The following KAZN variants were observed in gnomAD, a reference collection of about 807,000 sequenced individuals.
KAZN encodes the protein kazrin, periplakin interacting protein, also known as kazrin.
Under a neutral mutation model 87.4 loss-of-function variants are expected in KAZN, and 40 were observed. The observed-to-expected ratio is 0.46, with a 90% confidence interval of 0.36 to 0.60. The LOEUF (loss-of-function observed/expected upper bound fraction) is 0.60, where lower values mean the gene tolerates loss of function less well. KAZN is among the 20% of genes least tolerant of loss of function. The probability of loss-of-function intolerance (pLI) is 0.00; values close to 1 mark genes in which losing one functional copy is unlikely to be tolerated. For missense variants in KAZN, 898 were observed against 1,073.9 expected (o/e 0.84, Z 2.29); for synonymous variants, 466 against 458.3 (o/e 1.02, Z -0.22).
At chr1:14,339,550 G>A (rs930170033) in intron 2 of KAZN, among the ~76,000 whole-genome samples, 1 of 152,156 alleles carries the variant, frequency 6.6e-6, no homozygotes, top group African/African-American at 2.4e-5. Flanking sequence ...GAGAGCCGAC[G>A]TTTCTGTTCG....
intron 1 of KAZN, among the ~76,000 whole-genome samples, chr1:14,918,422 C>T (rs1445891715): frequency 2.6e-5 from 4 of 151,732 alleles, no homozygotes; most frequent in African/African-American, 9.7e-5. Flanking sequence ...ACCCCTGTAA[C>T]CCCAGCAATT....
intron 2 of KAZN, among the ~76,000 whole-genome samples, chr1:14,475,347 G>T (rs1351151068): frequency 6.6e-6 from 1 of 152,186 alleles, no homozygotes; most frequent in African/African-American, 2.4e-5. Context: ...TCTGAAAAGA[G>T]GACTTTAATA....
intron 2 of KAZN, among the ~76,000 whole-genome samples, chr1:14,487,695 T>C (rs1669420475): frequency 6.6e-6 from 1 of 152,190 alleles, no homozygotes; most frequent in Non-Finnish European, 1.5e-5. Flanking sequence ...TTTCGGAGGC[T>C]AGAGTGGTTG....
rs70987708 is a variant in KAZN, at chr1:13,963,759, CTGTGTGTGTGTG to C, written c.91+70037_91+70048del. 6.4e-3 allele frequency among the ~76,000 whole-genome samples: 905 copies of C among 141,994 alleles called. 12 individuals are homozygous for C. The highest frequency in any genetic ancestry group is 0.05 in the East Asian group (242 of 4,882). 93.2% of individuals were successfully genotyped at this position (141,994 alleles called of 152,430 possible). A position where few individuals can be genotyped will look rare whatever the true frequency, so the allele number is the denominator to read the frequency against. ...AAGGGTTAAATGTTTCTGCTGTGGT[CTGTGTGTGTGTG>C]TGTGTGTGTGTGTGTGTGTGTGTGT... is the stretch of plus-strand genomic sequence containing the variant. On this transcript the variant is annotated intron_variant, in intron 1 of 16. Coordinates refer to the KAZN transcript ENST00000636203.
At chr1:14,836,095 G>A (rs1647242624) in intron 1 of KAZN, among the ~76,000 whole-genome samples, 1 of 152,202 alleles carries the variant, frequency 6.6e-6, no homozygotes, top group South Asian at 2.1e-4. Context: ...TGACCTGTAA[G>A]TTTTACAGAA....
intron 2 of KAZN, among the ~76,000 whole-genome samples, chr1:14,971,171 G>A (rs933724303): frequency 6.6e-6 from 1 of 152,142 alleles, no homozygotes; most frequent in East Asian, 1.9e-4. Flanking sequence ...AGGCCAAGGC[G>A]GGCGAATCAT....
In KAZN at chr1:15,101,164, T is replaced by TCTCTCTC. The variant is rs1553190085; in HGVS notation, c.1548-379_1548-378insCTCTCTC. Among the ~76,000 whole-genome samples the TCTCTCTC allele has an allele frequency of 3.4e-4, 44 of 127,770 alleles. 1 individual carries two copies. The highest frequency in any genetic ancestry group is 1.5e-3 in the Admixed American group (18 of 11,816). 83.8% of individuals were successfully genotyped at this position (127,770 alleles called of 152,430 possible). A position where few individuals can be genotyped will look rare whatever the true frequency, so the allele number is the denominator to read the frequency against. On this transcript the variant is annotated intron_variant, in intron 10 of 14. Coordinates refer to ENST00000376030, the MANE Select transcript of KAZN (RefSeq NM_201628.3). ...CCTTTCTGTTCTTGAGTCTCGGTCT[T>TCTCTCTC]TCTCTCTCTCTCTCTCTCTCTCTGC...
At chr1:14,653,888 G>A (rs933648946) in intron 1 of KAZN, among the ~76,000 whole-genome samples, 3 of 152,172 alleles carry the variant, frequency 2.0e-5, no homozygotes, top group East Asian at 1.9e-4. Flanking sequence ...TCTCTGTTGC[G>A]TGGGGCTGCC....
chr1:14,111,301 G>A (rs1218767630), intron 1 of KAZN, among the ~76,000 whole-genome samples: 3 of 134,200 alleles, frequency 2.2e-5, no homozygotes, highest in African/African-American at 8.7e-5. Context: ...GATCCTGGCT[G>A]CTGAGCAAGG....
chr1:14,828,569 G>A (rs774532330), intron 1 of KAZN, among the ~76,000 whole-genome samples: 77 of 152,138 alleles, frequency 5.1e-4, no homozygotes, highest in Non-Finnish European at 6.3e-4. Context: ...GGGCAGCCAC[G>A]TTGGCAATTT....
At chr1:14,269,323 T>TAA (rs35936892) in intron 2 of KAZN, among the ~76,000 whole-genome samples, 34,919 of 151,278 alleles carry the variant, frequency 0.23, 4,646 homozygotes, top group Middle Eastern at 0.4. Context: ...TTGATAATGA[T>TAA]AAAAAAAAAG....
intron 2 of KAZN, among the ~76,000 whole-genome samples, chr1:14,562,483 T>C (rs1674316362): frequency 6.6e-6 from 1 of 152,218 alleles, no homozygotes. Flanking sequence ...TAATAGTTAT[T>C]GAGACCTATT....
At chr1:14,542,419 A>G (rs1300725272) in intron 2 of KAZN, among the ~76,000 whole-genome samples, 2 of 152,086 alleles carry the variant, frequency 1.3e-5, no homozygotes, top group East Asian at 1.9e-4. Flanking sequence ...CGTTGAGCAC[A>G]TGTACCCTAA....
intron 2 of KAZN, among the ~76,000 whole-genome samples, chr1:14,961,962 A>G (rs1201045932): frequency 6.6e-6 from 1 of 152,242 alleles, no homozygotes; most frequent in Non-Finnish European, 1.5e-5. Flanking sequence ...ATGGAGGGCC[A>G]GAGATTTGCC....
intron 1 of KAZN, among the ~76,000 whole-genome samples, chr1:14,809,993 GA>G (rs1557513723): frequency 1.3e-5 from 2 of 152,244 alleles, no homozygotes; most frequent in African/African-American, 4.8e-5. Context: ...TTTGTTTTCG[GA>G]GGCTGTCTTG....
At position 14,598,873 on chromosome 1, in the gene KAZN, G is replaced by C. The variant is rs1302958342; in HGVS notation, c.-125G>C. 7 of 1,451,478 alleles carry C rather than the reference G, an allele frequency of 4.8e-6. No individual in the cohort carries two copies. The highest frequency in any genetic ancestry group is 3.5e-5 in the Admixed American group (1 of 28,852). The allele number at this position is 1,451,478 out of a possible 1,614,324, so 89.9% of individuals were successfully genotyped here. A position where few individuals can be genotyped will look rare whatever the true frequency, so the allele number is the denominator to read the frequency against. Reference sequence around the variant, plus strand: ...CCGGCGCTGCCGGTGCCTGGGGGTCGGGGCGCGGGCGAAGCCGGGCCGCGG... The same window carrying C: ...CCGGCGCTGCCGGTGCCTGGGGGTCCGGGCGCGGGCGAAGCCGGGCCGCGG... On this transcript the variant is annotated 5_prime_UTR_variant, in exon 1 of 15. Coordinates refer to ENST00000376030, the MANE Select transcript of KAZN (RefSeq NM_201628.3). The surrounding 1 kb of genome is among the most constrained non-coding windows in gnomAD (Gnocchi z 4.2).
intron 1 of KAZN, among the ~76,000 whole-genome samples, chr1:14,690,722 T>C (rs767258104): frequency 6.6e-6 from 1 of 152,206 alleles, no homozygotes; most frequent in Non-Finnish European, 1.5e-5. Flanking sequence ...TAAAACCTCC[T>C]TAATAACTTT....
intron 1 of KAZN, among the ~76,000 whole-genome samples, chr1:14,830,468 G>A (rs1647021461): frequency 6.6e-6 from 1 of 152,126 alleles, no homozygotes; most frequent in Admixed American, 6.5e-5. Context: ...AGAGAGAAGG[G>A]GCGTATTAGT....
Position 14,699,903 on chromosome 1 carries a change from G to C in KAZN, c.226+100680G>C, listed in dbSNP as rs115173799. 8.6e-3 allele frequency among the ~76,000 whole-genome samples: 1,316 copies of C among 152,246 alleles called. 25 individuals are homozygous for C. The highest frequency in any genetic ancestry group is 0.02 in the Middle Eastern group (6 of 294). ...GTCAGCTCTCATGAGCTGGCATAATGAGTTGGCCCGACACTCACTAGAGTG... is the reference window on the plus strand; with the variant it reads ...GTCAGCTCTCATGAGCTGGCATAATCAGTTGGCCCGACACTCACTAGAGTG... On this transcript the variant is annotated intron_variant, in intron 1 of 14. Transcript: ENST00000376030.
Sources: gnomAD v4.1 joint callset for allele counts (sites outside exome capture counted in the v4.1 genomes callset) on GRCh38, gnomAD v4.1.1 for gene constraint, Gnocchi (gnomAD v3.1) non-coding constraint, MANE v1.5 for transcripts, NCBI Gene and HGNC (gene_info 2026-07-23, HGNC 2026-07-21) for gene names.